HYDIN: variants seen among roughly 807,000 people sequenced by gnomAD.
HYDIN encodes the protein HYDIN axonemal central pair apparatus protein.
A neutral mutation model predicts 403.9 loss-of-function variants in HYDIN; 132 were observed. The observed-to-expected ratio is 0.33, with a 90% CI of 0.28 to 0.38. HYDIN has a LOEUF of 0.38. Among genes scored for constraint, HYDIN ranks in the 10% least tolerant of loss-of-function variants. HYDIN has a pLI of 1.00. For synonymous variants in HYDIN, 1,202 were observed against 1,891.7 expected (o/e 0.64, Z 9.46); for missense variants, 2,827 against 5,009.5 (o/e 0.56, Z 13.15).
At chr16:70,915,728 TCAGGTAC>T (rs2076820442) in intron 47 of HYDIN, among the ~76,000 whole-genome samples, 1 of 137,598 alleles carries the variant, frequency 7.3e-6, no homozygotes. Context: ...CCCTTTGTGT[TCAGGTAC>T]CAGGGTGGGT....
At chr16:70,978,202 A>G (rs2078944230) in intron 30 of HYDIN, among the ~76,000 whole-genome samples, 1 of 151,456 alleles carries the variant, frequency 6.6e-6, no homozygotes, top group Non-Finnish European at 1.5e-5. Flanking sequence ...CCGTCATCCA[A>G]GCAAGACTTA....
At chr16:70,926,045 C>T (rs1201047348) in intron 45 of HYDIN, among the ~76,000 whole-genome samples, 9 of 150,988 alleles carry the variant, frequency 6.0e-5, no homozygotes, top group Admixed American at 2.0e-4. Flanking sequence ...TTGTGGAAGT[C>T]GGTGTGGCGA....
intron 54 of HYDIN, among the ~76,000 whole-genome samples, chr16:70,895,665 G>A (rs1307008087): frequency 6.7e-6 from 1 of 150,054 alleles, no homozygotes; most frequent in Middle Eastern, 3.5e-3. Context: ...AAGCCAGAAA[G>A]CTTATGGGGA....
At position 70,883,872 on chromosome 16, in the gene HYDIN, C is replaced by T. The variant is rs902650564; in HGVS notation, c.9979+48G>A. On this transcript the variant is annotated intron_variant, in intron 59 of 85. Transcript: ENST00000393567. ...AAGCGTGAGCCACTGCACCAGGTCT[C>T]AGATGAACACCTTTTAAGTGGTGCT... is the stretch of plus-strand genomic sequence containing the variant. 35 of 1,572,218 alleles carry T rather than the reference C, an allele frequency of 2.2e-5. 3 individuals are homozygous for T. The highest frequency in any genetic ancestry group is 2.9e-5 in the Non-Finnish European group (34 of 1,152,812).
chr16:71,184,383 G>A (rs899674032), intron 3 of HYDIN, among the ~76,000 whole-genome samples: 1 of 152,024 alleles, frequency 6.6e-6, no homozygotes, highest in African/African-American at 2.4e-5. Flanking sequence ...GTTTACATTC[G>A]AATATAGAAA....
rs755693677 is a variant in HYDIN, at chr16:70,985,200, T to C, written c.4317A>G (p.Leu1439=). 2.5e-6 allele frequency: 4 copies of C among 1,610,260 alleles called. No individual in the cohort carries two copies. In the East Asian group the frequency reaches 8.9e-5, roughly 36 times the overall value. The change falls in exon 28 of 86, where the codon CTA becomes CTG. Residue 1439 remains leucine (L), a synonymous_variant. Transcript: ENST00000393567. ...SPDNLLPGVP[L]ILPVSGFISS... Reference sequence around the variant, plus strand: ...ATTTACTTACAGACACAGGCAGGATTAGTGGCACTCCAGGGAGAAGGTTGT... The same window carrying C: ...ATTTACTTACAGACACAGGCAGGATCAGTGGCACTCCAGGGAGAAGGTTGT...
chr16:70,835,887 A>T (rs1454198773), intron 77 of HYDIN, 53 bp from the exon 78 acceptor site: 1 of 624,988 alleles, frequency 1.6e-6, no homozygotes, highest in African/African-American at 1.9e-5. Context: ...AGGGAAAAAT[A>T]AACATTATAT....
intron 16 of HYDIN, chr16:71,063,109 A>ATAT (rs2094613175): frequency 6.6e-6 from 1 of 152,080 alleles, no homozygotes; most frequent in East Asian, 1.9e-4. Context: ...GTTCTGCACC[A>ATAT]TATTACCAGC....
chr16:71,126,318 C>T (rs2084454589), intron 9 of HYDIN, among the ~76,000 whole-genome samples: 1 of 151,892 alleles, frequency 6.6e-6, no homozygotes. Context: ...AGATGCGTGT[C>T]GAGGCTGAAA....
chr16:70,883,737 T>C (rs28439914), intron 59 of HYDIN, among the ~76,000 whole-genome samples, 183 bp downstream of exon 59: 4,498 of 151,800 alleles, frequency 0.03, 15 homozygotes, highest in African/African-American at 0.1. Context: ...ACCCAGCTAA[T>C]TTTTTGTATT....
chr16:71,000,181 G>A (rs1597504657), intron 23 of HYDIN, among the ~76,000 whole-genome samples: 1 of 152,190 alleles, frequency 6.6e-6, no homozygotes, highest in African/African-American at 2.4e-5. Context: ...TGAACCAAGC[G>A]GACACATCCC....
At chr16:71,156,470 A>G (rs2085771500) in intron 6 of HYDIN, among the ~76,000 whole-genome samples, 1 of 152,142 alleles carries the variant, frequency 6.6e-6, no homozygotes, top group South Asian at 2.1e-4. Context: ...CTTACAAAGA[A>G]GTAAAAGGTG....
intron 13 of HYDIN, among the ~76,000 whole-genome samples, chr16:71,076,526 G>A (rs1273667577): frequency 8.9e-6 from 1 of 111,786 alleles, no homozygotes; most frequent in Non-Finnish European, 1.7e-5. Flanking sequence ...TGCTTGCTTG[G>A]TAGTGTGGGA....
chr16:70,835,535 G>C (rs957639437), intron 78 of HYDIN, 141 bp downstream of exon 78: 2 of 731,058 alleles, frequency 2.7e-6, no homozygotes, highest in African/African-American at 3.6e-5. Flanking sequence ...AAAATGAACA[G>C]AGGGAGTACA....
chr16:70,991,368 G>A lies in HYDIN; in HGVS notation c.3814C>T (p.Pro1272Ser), dbSNP rs1213034952. 1 of 1,613,858 alleles carries A rather than the reference G, an allele frequency of 6.2e-7. No individual in the cohort carries two copies. Among genetic ancestry groups the A allele is most frequent in the Non-Finnish European group, 8.5e-7 (1 of 1,179,922 alleles). Residue 1272 changes from proline (P) to serine (S), a missense_variant, in exon 25 of 86, where the codon CCT becomes TCT. By Grantham distance (74) the Pro-to-Ser change is moderately conservative. Coordinates refer to ENST00000393567, the MANE Select transcript of HYDIN (RefSeq NM_001270974.2). Reference sequence around the variant, plus strand: ...GTTTTTCTTAGTTCTTTTTCTTCAGGCCTGGCATCTTCATCCACAAGGACA... The same window carrying A: ...GTTTTTCTTAGTTCTTTTTCTTCAGACCTGGCATCTTCATCCACAAGGACA... The part of the protein sequence containing the change: ...KTVLVDEDAR[P>S]EEKELRKTKA...
intron 13 of HYDIN, among the ~76,000 whole-genome samples, chr16:71,074,770 A>G (rs1338126108): frequency 6.6e-6 from 1 of 150,642 alleles, no homozygotes; most frequent in Non-Finnish European, 1.5e-5. Flanking sequence ...CTCCAGTGCC[A>G]CCATGCTTCT....
intron 18 of HYDIN, among the ~76,000 whole-genome samples, chr16:71,049,447 T>C (rs1413132689): frequency 1.3e-5 from 2 of 151,988 alleles, no homozygotes; most frequent in Non-Finnish European, 2.9e-5. Flanking sequence ...AACATCCCCA[T>C]GGGAGGAGAA....
chr16:71,157,788 C>T (rs1266288483), intron 6 of HYDIN, among the ~76,000 whole-genome samples: 2 of 139,166 alleles, frequency 1.4e-5, no homozygotes, highest in Non-Finnish European at 1.5e-5. Context: ...AGAACTCCAA[C>T]TGAAGAAGGT....
chr16:71,156,972 A>T (rs1338727077), intron 6 of HYDIN, among the ~76,000 whole-genome samples: 1 of 150,162 alleles, frequency 6.7e-6, no homozygotes, highest in Admixed American at 6.7e-5. Flanking sequence ...CTTATTTTAT[A>T]GCAGTTGGAG....
Sources: gnomAD v4.1 joint callset for allele counts (sites outside exome capture counted in the v4.1 genomes callset) on GRCh38, gnomAD v4.1.1 for gene constraint, MANE v1.5 for transcripts, NCBI Gene and HGNC (gene_info 2026-07-23, HGNC 2026-07-21) for gene names.